The following UNC13C variants were observed in gnomAD, a reference collection of about 807,000 sequenced individuals.
UNC13C encodes protein unc-13 homolog C.
Under a neutral mutation model 245.4 loss-of-function variants are expected in UNC13C, and 174 were observed. That is an observed-to-expected ratio of 0.71 (90% CI 0.63 to 0.80). The LOEUF (loss-of-function observed/expected upper bound fraction) is 0.80. Among genes scored for constraint, UNC13C ranks in the 30% least tolerant of loss-of-function variants. The pLI, the probability that UNC13C is intolerant of heterozygous loss-of-function variation, is 0.00. For missense variants in UNC13C, 2,829 were observed against 2,602.9 expected (o/e 1.09, Z -1.89); for synonymous variants, 992 against 895.1 (o/e 1.11, Z -1.93).
chr15:53,930,614 T>A, the UNC13C span, among the ~76,000 whole-genome samples: 1 of 152,210 alleles, frequency 6.6e-6, no homozygotes, highest in African/African-American at 2.4e-5. Flanking sequence ...TATTGGTCTG[T>A]CTGTGCTGGG....
the UNC13C span, among the ~76,000 whole-genome samples, chr15:53,946,673 G>GTTTTTTTTTTTTTTTTTTTTTTTTTTTTT: frequency 1.0e-5 from 1 of 99,282 alleles, no homozygotes; most frequent in Non-Finnish European, 1.9e-5. Flanking sequence ...GTGAGCTGAG[G>GTTTTTTTTTTTTTTTTTTTTTTTTTTTTT]TTTTTTTTTT....
At chr15:54,460,573 G>T (rs1440504384) in intron 19 of UNC13C, among the ~76,000 whole-genome samples, 1 of 152,212 alleles carries the variant, frequency 6.6e-6, no homozygotes, top group African/African-American at 2.4e-5. Flanking sequence ...TAATAGAAGG[G>T]GGATATAATC....
At chr15:54,119,133 G>C (rs1165259083) in intron 2 of UNC13C, among the ~76,000 whole-genome samples, 1 of 151,620 alleles carries the variant, frequency 6.6e-6, no homozygotes, top group Non-Finnish European at 1.5e-5. Flanking sequence ...ATCAGGTCCT[G>C]GGCTTTTCTT....
At chr15:54,241,965 G>C (rs898114929) in intron 7 of UNC13C, among the ~76,000 whole-genome samples, 4 of 152,198 alleles carry the variant, frequency 2.6e-5, no homozygotes, top group Non-Finnish European at 5.9e-5. Flanking sequence ...ACTTTGACTT[G>C]AGATCCATGT....
intron 1 of UNC13C, among the ~76,000 whole-genome samples, chr15:54,006,453 T>G (rs1182422557): frequency 6.6e-6 from 1 of 152,220 alleles, no homozygotes; most frequent in Non-Finnish European, 1.5e-5. Flanking sequence ...TTGAAATATT[T>G]TAATATTTAC....
intron 13 of UNC13C, among the ~76,000 whole-genome samples, chr15:54,314,710 G>A (rs555527507): frequency 1.3e-5 from 2 of 151,754 alleles, no homozygotes; most frequent in Non-Finnish European, 2.9e-5. Flanking sequence ...AATTACTAAG[G>A]TTACCTAGTT....
intron 30 of UNC13C, among the ~76,000 whole-genome samples, chr15:54,609,686 C>T (rs6493695): frequency 0.6 from 91,454 of 152,044 alleles, 27,930 homozygotes; most frequent in Middle Eastern, 0.68. Flanking sequence ...CATACATGTA[C>T]AAATACTTCT....
intron 17 of UNC13C, among the ~76,000 whole-genome samples, chr15:54,389,616 G>A (rs767871063): frequency 5.9e-5 from 9 of 152,102 alleles, no homozygotes; most frequent in East Asian, 1.9e-4. Flanking sequence ...TAGAACAAAC[G>A]TTGGAGAAGC....
At chr15:54,335,051 A>G (rs1407671187) in intron 16 of UNC13C, among the ~76,000 whole-genome samples, 2 of 151,970 alleles carry the variant, frequency 1.3e-5, no homozygotes, top group African/African-American at 4.8e-5. Flanking sequence ...CACCTACCCC[A>G]GTAGGTACTT....
chr15:53,998,823 T>C (rs1439616355), intron 1 of UNC13C, among the ~76,000 whole-genome samples: 1 of 152,112 alleles, frequency 6.6e-6, no homozygotes, highest in East Asian at 1.9e-4. Flanking sequence ...TGTTGAATTT[T>C]GTTAAGTGCC....
At chr15:54,539,005 G>A (rs1474394149) in intron 26 of UNC13C, among the ~76,000 whole-genome samples, 2 of 151,072 alleles carry the variant, frequency 1.3e-5, no homozygotes, top group African/African-American at 4.9e-5. Context: ...AATAAGAGTT[G>A]GAAAGGAAAA....
intron 19 of UNC13C, among the ~76,000 whole-genome samples, chr15:54,472,632 C>CT (rs1289028647): frequency 6.6e-6 from 1 of 151,706 alleles, no homozygotes; most frequent in South Asian, 2.1e-4. Flanking sequence ...TCACTCCTTC[C>CT]TTTTTTCTGA....
intron 30 of UNC13C, among the ~76,000 whole-genome samples, chr15:54,593,738 A>G (rs572293327): frequency 1.3e-5 from 2 of 151,840 alleles, no homozygotes; most frequent in South Asian, 4.2e-4. Context: ...TTCACTTCTT[A>G]TATCATTTTT....
intron 19 of UNC13C, among the ~76,000 whole-genome samples, chr15:54,462,997 G>A (rs1193884284): frequency 1.3e-5 from 2 of 151,902 alleles, no homozygotes; most frequent in South Asian, 2.1e-4. Context: ...TGTCTAGCTT[G>A]GGGGTTTGTG....
intron 13 of UNC13C, 37 bp downstream of exon 13, chr15:54,300,410 T>G: frequency 2.6e-5 from 39 of 1,495,846 alleles, no homozygotes; most frequent in Non-Finnish European, 3.0e-5. Context: ...TCAATATCTC[T>G]ATTAAAATAT....
rs796831377 is a variant in UNC13C, at chr15:54,310,499, AT to A, written c.4268+10127del. 3.1e-4 allele frequency among the ~76,000 whole-genome samples: 47 copies of A among 151,950 alleles called. 1 individual carries two copies. The highest frequency in any genetic ancestry group is 1.1e-3 in the African/African-American group (46 of 41,512). On this transcript the variant is annotated intron_variant, in intron 13 of 32. Transcript: ENST00000260323. ...TGCTCATGGTGGAGAGAAGTGATGA[AT>A]GCAGCCGGACACAGCCAACATGTTA...
intron 2 of UNC13C, among the ~76,000 whole-genome samples, chr15:54,104,736 G>T (rs905193348): frequency 2.0e-5 from 3 of 151,570 alleles, no homozygotes; most frequent in African/African-American, 7.3e-5. Context: ...GCTGATTGTG[G>T]TTCATCTGGG....
intron 24 of UNC13C, 57 bp downstream of exon 24, chr15:54,511,887 A>G (rs1032106681): frequency 3.6e-5 from 45 of 1,236,706 alleles, no homozygotes; most frequent in Non-Finnish European, 4.6e-5. Flanking sequence ...TATTAGCAGC[A>G]TATCTCTTGC....
intron 17 of UNC13C, among the ~76,000 whole-genome samples, chr15:54,369,788 A>T (rs2039447736): frequency 6.6e-6 from 1 of 152,256 alleles, no homozygotes; most frequent in Middle Eastern, 3.4e-3. Flanking sequence ...AATAGTGTTG[A>T]GCCTGAGATA....
Sources: gnomAD v4.1 joint callset for allele counts (sites outside exome capture counted in the v4.1 genomes callset) on GRCh38, gnomAD v4.1.1 for gene constraint, MANE v1.5 for transcripts, NCBI Gene and HGNC (gene_info 2026-07-23, HGNC 2026-07-21) for gene names.